RBM3: variants seen among roughly 807,000 people sequenced by gnomAD.
RBM3 encodes RNA-binding protein 3.
RBM3 carries 3 observed loss-of-function variants against 12.0 expected under a neutral mutation model. The ratio of observed to expected loss-of-function variants is 0.25; its 90% CI spans 0.11 to 0.65. The LOEUF is 0.65. Among genes scored for constraint, RBM3 ranks in the 30% least tolerant of loss-of-function variants. RBM3 has a pLI of 0.84. For missense variants in RBM3, 108 were observed against 134.5 expected, an observed-to-expected ratio of 0.80 and a Z score of 0.97; for synonymous variants, 58 against 45.7, an observed-to-expected ratio of 1.27 and a Z score of -1.08.
In RBM3 at chrX:48,579,289, A is replaced by G. The variant is rs149387926; in HGVS notation, c.*1848A>G. Among the ~76,000 whole-genome samples the G allele has an allele frequency of 0.022, 2,464 of 111,900 alleles. 30 individuals carry two copies. Among genetic ancestry groups the G allele is most frequent in the Non-Finnish European group, 0.036 (1,895 of 53,120 alleles). ...TGAGCTAAGTTACCACCAGGTTGCA[A>G]ACTCCAGGACATTATTGTCCTGAGC... is the stretch of plus-strand genomic sequence containing the variant. On this transcript the variant is annotated 3_prime_UTR_variant, in exon 7 of 7. Coordinates refer to ENST00000376759, the MANE Select transcript of RBM3 (RefSeq NM_006743.5).
At chrX:48,577,155 T>C in intron 6 of RBM3, 46 bp downstream of exon 6, 1 of 1,207,182 alleles carries the variant, frequency 8.3e-7, no homozygotes, top group Non-Finnish European at 1.1e-6. Context: ...TGTCACACTC[T>C]GTCATGACCC....
chrX:48,574,691 C>T (rs1464179123), intron 1 of RBM3, 118 bp downstream of exon 1: 7 of 330,077 alleles, frequency 2.1e-5, no homozygotes, highest in Admixed American at 1.2e-4. Context: ...GCTTGGCTTT[C>T]TCTGGGACGG....
At position 48,579,958 on chromosome X, in the gene RBM3, C is replaced by G. The variant is rs1450263030; in HGVS notation, c.*2517C>G. 1 of 110,736 alleles carries G rather than the reference C, an allele frequency of 9.0e-6. No individual in the cohort carries two copies. Among genetic ancestry groups the G allele is most frequent in the African/African-American group, 3.3e-5 (1 of 30,414 alleles). 9.1% of individuals were successfully genotyped at this position (110,736 alleles called of 1,213,427 possible). A position where few individuals can be genotyped will look rare whatever the true frequency, so the allele number is the denominator to read the frequency against. ...TAAAGTTCCAGATTTGAGGTCAACC[C>G]CCGACCACCCTTAAAGTGCTTGTTG... On this transcript the variant is annotated 3_prime_UTR_variant, in exon 7 of 7. Coordinates refer to ENST00000376759, the MANE Select transcript of RBM3 (RefSeq NM_006743.5).
chrX:48,575,381 C>T, intron 2 of RBM3, 98 bp downstream of exon 2: 2 of 899,093 alleles, frequency 2.2e-6, no homozygotes, highest in Non-Finnish European at 3.2e-6. Flanking sequence ...CCCACGCCTC[C>T]AAATTCTTTT....
In RBM3 at chrX:48,579,073, G is replaced by GGT. The variant is rs61582711; in HGVS notation, c.*1643_*1644dup. The GGT allele has an allele frequency of 0.29, 31,967 of 109,585 alleles. 3,765 individuals carry two copies. Among genetic ancestry groups the GGT allele is most frequent in the East Asian group, 0.43 (1,488 of 3,450 alleles). The allele number at this position is 109,585 out of a possible 1,213,427, so 9.0% of individuals were successfully genotyped here. ...CAGTCACGGGGATTTGATCTTTTTT[G>GGT]GTGTGTGTGTGTCTTGGGTGGTAAA... On this transcript the variant is annotated 3_prime_UTR_variant, in exon 7 of 7. Coordinates refer to ENST00000376759, the MANE Select transcript of RBM3 (RefSeq NM_006743.5).
intron 5 of RBM3, 133 bp from the exon 6 acceptor site, chrX:48,576,893 A>G: frequency 7.2e-6 from 6 of 832,932 alleles, no homozygotes; most frequent in Non-Finnish European, 1.0e-5. Context: ...TGATACTCAT[A>G]TGCTTAACAT....
chrX:48,575,372 C>A, intron 2 of RBM3, 89 bp downstream of exon 2: 1 of 906,017 alleles, frequency 1.1e-6, no homozygotes, highest in Non-Finnish European at 1.6e-6. Context: ...AAGTTAGGAC[C>A]CACGCCTCCA....
rs2062073961 is a variant in RBM3, at chrX:48,575,045, C to G, written c.-13-123C>G. The G allele has an allele frequency of 9.6e-6, 5 of 518,833 alleles. No homozygotes were observed. In the Admixed American group the frequency reaches 1.5e-4, roughly 16 times the overall value. The allele number at this position is 518,833 out of a possible 1,213,427, so 42.8% of individuals were successfully genotyped here. A position where few individuals can be genotyped will look rare whatever the true frequency, so the allele number is the denominator to read the frequency against. Reference sequence around the variant, plus strand: ...CCTTTCTCAGCTTTTCTGTAGTTACCCATATTTTGTTCCTCTTTCTTGTCT... The same window carrying G: ...CCTTTCTCAGCTTTTCTGTAGTTACGCATATTTTGTTCCTCTTTCTTGTCT... On this transcript the variant is annotated intron_variant, in intron 1 of 6. Coordinates refer to ENST00000376759, the MANE Select transcript of RBM3 (RefSeq NM_006743.5).
At position 48,578,851 on chromosome X, in the gene RBM3, T is replaced by TG. The variant is rs1462197761; in HGVS notation, c.*1411dup. Reference sequence around the variant, plus strand: ...GATGCACTGAACTCATCTTTGTGTATGAGGGCCATGAGAGAGGCCTGGTTT... The same window carrying TG: ...GATGCACTGAACTCATCTTTGTGTATGGAGGGCCATGAGAGAGGCCTGGTTT... On this transcript the variant is annotated 3_prime_UTR_variant, in exon 7 of 7. Transcript: ENST00000376759. 2 of 111,962 alleles carry TG rather than the reference T, an allele frequency of 1.8e-5. No homozygotes were observed. The highest frequency in any genetic ancestry group is 3.8e-5 in the Non-Finnish European group (2 of 53,182). 9.2% of individuals were successfully genotyped at this position (111,962 alleles called of 1,213,427 possible).
In RBM3 at chrX:48,577,022, C is replaced by T. The variant is rs782655999; in HGVS notation, c.414-4C>T. 63 of 1,205,630 alleles carry T rather than the reference C, an allele frequency of 5.2e-5. No homozygotes were observed. The highest frequency in any genetic ancestry group is 6.6e-5 in the Non-Finnish European group (59 of 893,918). ...AACTTTTGTGTGTTTTTTTTCCCCC[C>T]CAGAAACCAGGGTGGTTATGACCGC... is the stretch of plus-strand genomic sequence containing the variant. On this transcript the variant is annotated splice_region_variant and splice_polypyrimidine_tract_variant and intron_variant, in intron 5 of 6. Transcript: ENST00000376759.
chrX:48,581,088 G>C lies in RBM3; in HGVS notation c.*3647G>C, dbSNP rs1556990375. Reference sequence around the variant, plus strand: ...ATCTGGGGGCGGGGGGGGGCGGGGGGAATGGGTCTTTTCTAAATTGTTAAA... The same window carrying C: ...ATCTGGGGGCGGGGGGGGGCGGGGGCAATGGGTCTTTTCTAAATTGTTAAA... On this transcript the variant is annotated 3_prime_UTR_variant, in exon 7 of 7. Coordinates refer to ENST00000376759, the MANE Select transcript of RBM3 (RefSeq NM_006743.5). 1 of 99,290 alleles carries C rather than the reference G, an allele frequency of 1.0e-5. No homozygotes were observed. Among genetic ancestry groups the C allele is most frequent in the Non-Finnish European group, 2.0e-5 (1 of 49,403 alleles). 8.2% of individuals were successfully genotyped at this position (99,290 alleles called of 1,213,427 possible). A position where few individuals can be genotyped will look rare whatever the true frequency, so the allele number is the denominator to read the frequency against.
chrX:48,575,098 G>C, intron 1 of RBM3, 70 bp from the exon 2 acceptor site: 1 of 766,302 alleles, frequency 1.3e-6, no homozygotes, highest in Non-Finnish European at 2.0e-6. Flanking sequence ...TCTGCTTTCC[G>C]TCTCGCTATT....
Position 48,577,037 on chromosome X carries a change from G to A in RBM3, c.425G>A (p.Gly142Asp), listed in dbSNP as rs1380432659. 2 of 1,209,552 alleles carry A rather than the reference G, an allele frequency of 1.7e-6. No homozygotes were observed. The highest frequency in any genetic ancestry group is 3.5e-5 in the African/African-American group (2 of 57,043). The change falls in exon 6 of 7, where the codon GGT becomes GAT. Residue 142 changes from glycine to aspartate, a missense_variant. Transcript: ENST00000376759. ...SRDYNGRNQG[G>D]YDRYSGGNYR... The stretch of plus-strand genomic sequence containing the variant: ...TTTTTCCCCCCCAGAAACCAGGGTG[G>A]TTATGACCGCTACTCAGGAGGAAAT...
intron 3 of RBM3, 85 bp from the exon 4 acceptor site, chrX:48,576,227 CTT>C (rs1228907690): frequency 8.6e-7 from 1 of 1,165,841 alleles, no homozygotes. Context: ...TTTTTGGCCT[CTT>C]TTGCCCACTT....
In RBM3 at chrX:48,580,547, C is replaced by T. The variant is rs1306488804; in HGVS notation, c.*3106C>T. Among the ~76,000 whole-genome samples the T allele has an allele frequency of 1.1e-4, 12 of 111,255 alleles. No homozygotes were observed. The highest frequency in any genetic ancestry group is 3.6e-4 in the African/African-American group (11 of 30,576). On this transcript the variant is annotated 3_prime_UTR_variant, in exon 7 of 7. Transcript: ENST00000376759. ...AAGTAGCTGGGATTACAGGTGCCTG[C>T]CACCACGCCCGGCTAATTTTTGTAT...
intron 1 of RBM3, 187 bp downstream of exon 1, chrX:48,574,760 CTGAGTG>C (rs782629651): frequency 3.0e-6 from 1 of 333,519 alleles, no homozygotes. Context: ...CGCGCTGTAT[CTGAGTG>C]TGAGGCCTAC....
chrX:48,579,514 A>G lies in RBM3; in HGVS notation c.*2073A>G, dbSNP rs7879764. Among the ~76,000 whole-genome samples the G allele has an allele frequency of 0.3, 32,854 of 110,760 alleles. 3,788 individuals are homozygous for G. Among genetic ancestry groups the G allele is most frequent in the East Asian group, 0.44 (1,519 of 3,478 alleles). ...TCACCCACTAAGCCAGGCCCAGGCTATGGGGCATTGTGGCTAACCCCACCA... is the reference window on the plus strand; with the variant it reads ...TCACCCACTAAGCCAGGCCCAGGCTGTGGGGCATTGTGGCTAACCCCACCA... On this transcript the variant is annotated 3_prime_UTR_variant, in exon 7 of 7. Coordinates refer to ENST00000376759, the MANE Select transcript of RBM3 (RefSeq NM_006743.5).
In RBM3 at chrX:48,575,557, A is replaced by G. The variant is rs1556989070; in HGVS notation, c.104-4A>G. 1.6e-5 allele frequency: 19 copies of G among 1,203,095 alleles called. No homozygotes were observed. The highest frequency in any genetic ancestry group is 2.1e-5 in the Non-Finnish European group (19 of 890,093). On this transcript the variant is annotated splice_polypyrimidine_tract_variant and splice_region_variant and intron_variant, in intron 2 of 6. Coordinates refer to ENST00000376759, the MANE Select transcript of RBM3 (RefSeq NM_006743.5). ...CATTGCTCCATCTTCTCTCCCTCTC[A>G]CAGTGGTCGTTGTCAAGGACCGGGA...
rs1556989607 is a variant in RBM3, at chrX:48,577,449, C to T, written c.*24-16C>T. The T allele has an allele frequency of 9.8e-7, 1 of 1,022,228 alleles. No individual in the cohort carries two copies. The highest frequency in any genetic ancestry group is 3.8e-5 in the East Asian group (1 of 26,640). The allele number at this position is 1,022,228 out of a possible 1,213,427, so 84.2% of individuals were successfully genotyped here. On this transcript the variant is annotated splice_polypyrimidine_tract_variant and intron_variant, in intron 6 of 6. Transcript: ENST00000376759. ...ACTTCATGACATCACAATTCTCCCC[C>T]TCTTGCTGTTCCCAGATACACAAGG... is the stretch of plus-strand genomic sequence containing the variant.
Sources: allele counts gnomAD v4.1 joint callset (sites outside exome capture counted in the v4.1 genomes callset), GRCh38; gene constraint gnomAD v4.1.1; transcripts MANE v1.5; gene names NCBI Gene and HGNC (gene_info 2026-07-23, HGNC 2026-07-21).